SOX5: variants seen among roughly 807,000 people sequenced by gnomAD.
SOX5 encodes the protein transcription factor SOX-5.
In SOX5, 9 loss-of-function variants were observed where a neutral mutation model predicts 92.0. That is an observed-to-expected ratio of 0.10 (90% CI 0.06 to 0.17). The LOEUF (loss-of-function observed/expected upper bound fraction) is 0.17, where lower values mean the gene tolerates loss of function less well. SOX5 is among the 10% of genes least tolerant of loss of function. SOX5 has a pLI of 1.00. For missense variants in SOX5, 642 were observed against 944.5 expected, an observed-to-expected ratio of 0.68 and a Z score of 4.20; for synonymous variants, 344 against 336.3, an observed-to-expected ratio of 1.02 and a Z score of -0.25.
chr12:24,028,095 C>A (rs1037868497), intron 4 of SOX5, among the ~76,000 whole-genome samples: 2 of 151,984 alleles, frequency 1.3e-5, no homozygotes, highest in African/African-American at 4.8e-5. Context: ...GTGCAGGGAG[C>A]AGGCAGGGAG....
intron 1 of SOX5, among the ~76,000 whole-genome samples, chr12:24,427,662 C>A (rs913852282): frequency 3.3e-5 from 5 of 152,218 alleles, no homozygotes; most frequent in African/African-American, 9.6e-5. Context: ...AATCCATCTT[C>A]CATCTCTTTG....
intron 1 of SOX5, among the ~76,000 whole-genome samples, chr12:23,949,338 T>C (rs908635172): frequency 5.3e-5 from 8 of 152,152 alleles, no homozygotes; most frequent in Non-Finnish European, 8.8e-5. Context: ...TTTGCTGTTA[T>C]AGGACGCAAC....
chr12:24,125,508 C>T (rs1051863420), intron 4 of SOX5, among the ~76,000 whole-genome samples: 2 of 152,144 alleles, frequency 1.3e-5, no homozygotes, highest in Non-Finnish European at 2.9e-5. Context: ...ATCTTGCCTC[C>T]CCGTCGTTAC....
At chr12:24,320,420 C>T (rs1454419916) in intron 2 of SOX5, among the ~76,000 whole-genome samples, 1 of 152,138 alleles carries the variant, frequency 6.6e-6, no homozygotes, top group Admixed American at 6.5e-5. Context: ...TTGTCCTCCA[C>T]CAAATTTCCT....
intron 1 of SOX5, among the ~76,000 whole-genome samples, chr12:23,947,141 A>G (rs1419374128): frequency 3.9e-5 from 6 of 151,994 alleles, no homozygotes; most frequent in Non-Finnish European, 5.9e-5. Flanking sequence ...AAAAATGATC[A>G]CATAAAACTT....
chr12:23,646,847 T>G (rs911817017), intron 7 of SOX5, among the ~76,000 whole-genome samples: 1 of 152,178 alleles, frequency 6.6e-6, no homozygotes, highest in Non-Finnish European at 1.5e-5. Flanking sequence ...CCACCACATC[T>G]GCAATTATTT....
intron 1 of SOX5, among the ~76,000 whole-genome samples, chr12:23,909,657 C>A (rs2097330029): frequency 6.6e-6 from 1 of 152,090 alleles, no homozygotes; most frequent in Non-Finnish European, 1.5e-5. Context: ...AACAAAGGCC[C>A]AGCTGTATAA....
chr12:24,318,546 C>T (rs1044705793), intron 2 of SOX5, among the ~76,000 whole-genome samples: 1 of 152,152 alleles, frequency 6.6e-6, no homozygotes, highest in Non-Finnish European at 1.5e-5. Flanking sequence ...CTTGTTTAAG[C>T]CTTTGTTATT....
chr12:23,899,131 C>T (rs894980144), intron 1 of SOX5, among the ~76,000 whole-genome samples: 4 of 152,210 alleles, frequency 2.6e-5, no homozygotes, highest in South Asian at 4.2e-4. Flanking sequence ...CACCACAGGC[C>T]GGTTGCAGTG....
chr12:23,826,390 G>T (rs755222073), intron 3 of SOX5, among the ~76,000 whole-genome samples: 1 of 152,062 alleles, frequency 6.6e-6, no homozygotes, highest in Non-Finnish European at 1.5e-5. Context: ...AAGCAACAAC[G>T]GCTTGTCCTA....
intron 2 of SOX5, among the ~76,000 whole-genome samples, chr12:24,321,769 G>A (rs751251219): frequency 5.9e-5 from 9 of 152,138 alleles, no homozygotes; most frequent in Admixed American, 3.9e-4. Flanking sequence ...CCTAGAGTAG[G>A]TTGGGTAAAC....
At chr12:23,807,693 T>G (rs1319956868) in intron 3 of SOX5, among the ~76,000 whole-genome samples, 1 of 150,662 alleles carries the variant, frequency 6.6e-6, no homozygotes, top group Non-Finnish European at 1.5e-5. Flanking sequence ...CAGGCTGGGT[T>G]GCAGTGGCAC....
At chr12:23,677,983 A>T (rs542559157) in intron 6 of SOX5, among the ~76,000 whole-genome samples, 3 of 152,284 alleles carry the variant, frequency 2.0e-5, no homozygotes, top group African/African-American at 7.2e-5. Context: ...GTCTCACAGT[A>T]TCTGATGGAA....
At chr12:24,038,094 A>AAT (rs1956212606) in intron 4 of SOX5, among the ~76,000 whole-genome samples, 1 of 152,226 alleles carries the variant, frequency 6.6e-6, no homozygotes, top group Non-Finnish European at 1.5e-5. Flanking sequence ...TATCCTCTAT[A>AAT]AATCGTACAG....
At chr12:24,103,819 T>C (rs1323413027) in intron 4 of SOX5, among the ~76,000 whole-genome samples, 1 of 152,150 alleles carries the variant, frequency 6.6e-6, no homozygotes, top group Non-Finnish European at 1.5e-5. Flanking sequence ...ACATGCAAGA[T>C]GGAATGGAGA....
rs572612395 is a variant in SOX5 at position 23,745,045 on chromosome 12, T to C, written c.569-4006A>G. On this transcript the variant is annotated intron_variant, in intron 4 of 14. Transcript: ENST00000451604. ...CCATAATAAACTCATTTTAATTTAATTCCCTTTGTAAAGATCCTGTCTCCA... is the reference window on the plus strand; with the variant it reads ...CCATAATAAACTCATTTTAATTTAACTCCCTTTGTAAAGATCCTGTCTCCA... 7.9e-5 allele frequency among the ~76,000 whole-genome samples: 12 copies of C among 152,254 alleles called. No individual in the cohort carries two copies. In the East Asian group the frequency reaches 1.5e-3, roughly 20 times the overall value.
In SOX5 at chr12:24,439,764, G is replaced by A. The variant is rs150803324; in HGVS notation, c.-250-71125C>T. Among the ~76,000 whole-genome samples the A allele has an allele frequency of 4.6e-3, 706 of 152,030 alleles. 9 individuals are homozygous for A. The East Asian group carries it at 0.051, about 11-fold the overall frequency. ...AAAAAAATTGGTCGGGCATGGTGGC[G>A]GGCGCCTGTAGTCCCAGCTACTCAG... On this transcript the variant is annotated intron_variant, in intron 1 of 4. Transcript: ENST00000446891.
At chr12:23,603,378 T>C (rs979768359) in intron 9 of SOX5, among the ~76,000 whole-genome samples, 1 of 149,788 alleles carries the variant, frequency 6.7e-6, no homozygotes, top group African/African-American at 2.4e-5. Context: ...CATGTCAACA[T>C]GGCATTCATG....
At chr12:24,500,233 G>A (rs981705762) in intron 1 of SOX5, among the ~76,000 whole-genome samples, 5 of 152,248 alleles carry the variant, frequency 3.3e-5, no homozygotes, top group African/African-American at 1.2e-4. Flanking sequence ...TACATATATT[G>A]AAATGAACAT....
Sources: allele counts gnomAD v4.1 joint callset (sites outside exome capture counted in the v4.1 genomes callset), GRCh38; gene constraint gnomAD v4.1.1; transcripts MANE v1.5; gene names NCBI Gene and HGNC (gene_info 2026-07-23, HGNC 2026-07-21).